AFF3: variants seen among roughly 807,000 people sequenced by gnomAD.
AFF3 encodes the protein ALF transcription elongation factor 3.
A neutral mutation model predicts 129.7 loss-of-function variants in AFF3; 32 were observed. The observed-to-expected ratio is 0.25, with a 90% CI of 0.19 to 0.33. AFF3 has a LOEUF of 0.33. Among genes scored for constraint, AFF3 ranks in the 10% least tolerant of loss-of-function variants. The pLI, the probability that AFF3 is intolerant of heterozygous loss-of-function variation, is 1.00. For synonymous variants in AFF3, 644 were observed against 635.4 expected (o/e 1.01, Z -0.20); for missense variants, 1,373 against 1,592.0 (o/e 0.86, Z 2.34).
chr2:100,038,630 G>C (rs1685170707), intron 4 of AFF3, among the ~76,000 whole-genome samples: 1 of 152,018 alleles, frequency 6.6e-6, no homozygotes, highest in Admixed American at 6.6e-5. Context: ...ACACATACAT[G>C]CACAAAAAGT....
At chr2:99,552,719 T>C (rs769691976) in intron 24 of AFF3, among the ~76,000 whole-genome samples, 10 of 151,952 alleles carry the variant, frequency 6.6e-5, no homozygotes, top group Non-Finnish European at 1.5e-4. Flanking sequence ...CAGGTAGGGG[T>C]AGGGGAACAA....
intron 7 of AFF3, among the ~76,000 whole-genome samples, chr2:99,875,119 G>A (rs1335965630): frequency 6.6e-6 from 1 of 152,176 alleles, no homozygotes; most frequent in African/African-American, 2.4e-5. Flanking sequence ...ATTAATGACA[G>A]TGCTCCCCAG....
At chr2:99,925,559 C>A (rs912618318) in intron 7 of AFF3, among the ~76,000 whole-genome samples, 2 of 152,162 alleles carry the variant, frequency 1.3e-5, no homozygotes, top group African/African-American at 4.8e-5. Context: ...AATGAGTGCT[C>A]TGCCATGAGT....
chr2:99,557,553 T>C (rs907476537), intron 22 of AFF3, among the ~76,000 whole-genome samples: 2 of 152,234 alleles, frequency 1.3e-5, no homozygotes, highest in African/African-American at 4.8e-5. Flanking sequence ...TCAGCTTCCT[T>C]CTTTATTCAA....
At chr2:99,657,035 G>A (rs1685809030) in intron 12 of AFF3, among the ~76,000 whole-genome samples, 1 of 152,170 alleles carries the variant, frequency 6.6e-6, no homozygotes, top group African/African-American at 2.4e-5. Flanking sequence ...ACATGGGGCT[G>A]TACAGTCGCT....
chr2:99,923,558 C>A (rs576652183), intron 7 of AFF3, among the ~76,000 whole-genome samples: 1 of 152,228 alleles, frequency 6.6e-6, no homozygotes, highest in Admixed American at 6.5e-5. Context: ...GATCAGGATC[C>A]TCTGACGTCT....
At chr2:99,778,802 C>T (rs9308829) in intron 8 of AFF3, among the ~76,000 whole-genome samples, 132,745 of 152,052 alleles carry the variant, frequency 0.87, 58,002 homozygotes, top group South Asian at 0.93. Context: ...TGTATAGACA[C>T]AAAACTGATT....
intron 13 of AFF3, among the ~76,000 whole-genome samples, chr2:99,636,895 C>T (rs1005858494): frequency 2.0e-5 from 3 of 152,204 alleles, no homozygotes; most frequent in Admixed American, 2.0e-4. Context: ...AAGGCTGGCC[C>T]GGGGCTACCT....
intron 13 of AFF3, among the ~76,000 whole-genome samples, chr2:99,632,112 T>C (rs1575555455): frequency 7.0e-6 from 1 of 143,140 alleles, no homozygotes; most frequent in African/African-American, 2.6e-5. Context: ...ACCTCCCGGG[T>C]TCAAGCAATT....
At chr2:99,581,500 T>C (rs991400881) in intron 17 of AFF3, among the ~76,000 whole-genome samples, 3 of 151,748 alleles carry the variant, frequency 2.0e-5, no homozygotes, top group African/African-American at 7.3e-5. Context: ...ATCTTTCTCA[T>C]CTTTCTTTGC....
intron 9 of AFF3, among the ~76,000 whole-genome samples, chr2:99,745,116 T>C (rs1377565000): frequency 6.6e-6 from 1 of 152,230 alleles, no homozygotes; most frequent in East Asian, 1.9e-4. Flanking sequence ...GATTTGTATT[T>C]CCCTAATAAC....
At position 99,844,434 on chromosome 2, in the gene AFF3, C is replaced by CTTTTTT. The variant is rs984233053; in HGVS notation, c.874-6916_874-6911dup. ...CAATACGAGAACTATTTTTTCTTTT[C>CTTTTTT]TTTTTTTTTTTTTTTTTTTTTGAGA... is the stretch of plus-strand genomic sequence containing the variant. On this transcript the variant is annotated intron_variant, in intron 7 of 24. Transcript: ENST00000672756. Among the ~76,000 whole-genome samples, 890 of 92,426 alleles carry CTTTTTT rather than the reference C, an allele frequency of 9.6e-3. 13 individuals carry two copies. Among genetic ancestry groups the CTTTTTT allele is most frequent in the Middle Eastern group, 0.037 (3 of 82 alleles). The allele number at this position is 92,426 out of a possible 152,430, so 60.6% of individuals were successfully genotyped here.
chr2:99,623,370 A>G (rs1682231606), intron 13 of AFF3, among the ~76,000 whole-genome samples: 1 of 152,180 alleles, frequency 6.6e-6, no homozygotes. Context: ...CAATTGGTCA[A>G]GGCATTTTAA....
Position 99,810,487 on chromosome 2 carries a change from G to C in AFF3, c.921+26990C>G, listed in dbSNP as rs79333791. 2.9e-3 allele frequency among the ~76,000 whole-genome samples: 443 copies of C among 152,358 alleles called. 11 individuals are homozygous for C. In the East Asian group the frequency reaches 0.078, roughly 27 times the overall value. On this transcript the variant is annotated intron_variant, in intron 8 of 24. Coordinates refer to ENST00000672756, the MANE Select transcript of AFF3 (RefSeq NM_001386135.1). The stretch of plus-strand genomic sequence containing the variant: ...GAAATCAAGCTACAGCAAAGCAGAG[G>C]ATTAGTACAAATACCTGGGCAAACG...
Position 99,645,261 on chromosome 2 carries a change from G to A in AFF3, c.1184+4365C>T, listed in dbSNP as rs190016728. Among the ~76,000 whole-genome samples, 364 of 152,292 alleles carry A rather than the reference G, an allele frequency of 2.4e-3. 1 individual carries two copies. The highest frequency in any genetic ancestry group is 8.4e-3 in the African/African-American group (351 of 41,550). On this transcript the variant is annotated intron_variant, in intron 13 of 24. Coordinates refer to ENST00000672756, the MANE Select transcript of AFF3 (RefSeq NM_001386135.1). ...TGAGATGGCTTGAGCCTGGGAGGTC[G>A]AGGCTGCAGTGAGCTGTGATCACAC...
intron 2 of AFF3, chr2:100,106,001 C>T: frequency 7.6e-7 from 1 of 1,323,372 alleles, no homozygotes; most frequent in Middle Eastern, 2.1e-4. Flanking sequence ...GGGATCCCTC[C>T]AGCGTCAAGC....
At chr2:99,637,343 C>T (rs967573417) in intron 13 of AFF3, among the ~76,000 whole-genome samples, 13 of 152,316 alleles carry the variant, frequency 8.5e-5, no homozygotes, top group African/African-American at 2.2e-4. Flanking sequence ...GCACGGCCTC[C>T]GCCCACTGCA....
At chr2:99,658,224 TGCAGG>T (rs967707680) in intron 12 of AFF3, among the ~76,000 whole-genome samples, 2 of 152,170 alleles carry the variant, frequency 1.3e-5, no homozygotes, top group African/African-American at 4.8e-5. Flanking sequence ...CATGGCACCC[TGCAGG>T]GCAGGACATT....
intron 14 of AFF3, among the ~76,000 whole-genome samples, chr2:99,597,948 G>A (rs184493045): frequency 2.7e-4 from 41 of 152,288 alleles, no homozygotes; most frequent in Admixed American, 7.2e-4. Context: ...CATGGACCTC[G>A]TAGGCACCTA....
Sources: gnomAD v4.1 joint callset for allele counts (sites outside exome capture counted in the v4.1 genomes callset) on GRCh38, gnomAD v4.1.1 for gene constraint, MANE v1.5 for transcripts, NCBI Gene and HGNC (gene_info 2026-07-23, HGNC 2026-07-21) for gene names.